Variants in REV3L observed in about 807,000 individuals in gnomAD.
REV3L encodes DNA polymerase zeta catalytic subunit.
In REV3L, 69 loss-of-function variants were observed where a neutral mutation model predicts 299.4. The ratio of observed to expected loss-of-function variants is 0.23; its 90% CI spans 0.19 to 0.28. The LOEUF (loss-of-function observed/expected upper bound fraction) is 0.28, where lower values mean the gene tolerates loss of function less well. Among genes scored for constraint, REV3L ranks in the 10% least tolerant of loss-of-function variants. The pLI is 1.00. For synonymous variants in REV3L, 1,238 were observed against 1,271.4 expected, an observed-to-expected ratio of 0.97 and a Z score of 0.56; for missense variants, 3,128 against 3,693.8, an observed-to-expected ratio of 0.85 and a Z score of 3.97.
intron 1 of REV3L, among the ~76,000 whole-genome samples, chr6:111,422,653 TATATATATAC>T (rs1417372780): frequency 0.16 from 7,679 of 47,850 alleles, 1,679 homozygotes; most frequent in Non-Finnish European, 0.28. Flanking sequence ...TATATACATA[TATATATATAC>T]ATATATATAT....
At position 111,456,985 on chromosome 6, in the gene REV3L, T is replaced by C. The variant is rs1790232723; in HGVS notation, c.139+25765A>G. 2.0e-5 allele frequency among the ~76,000 whole-genome samples: 3 copies of C among 152,148 alleles called. No homozygotes were observed. The South Asian group carries it at 6.2e-4, about 31-fold the overall frequency. The stretch of plus-strand genomic sequence containing the variant: ...TTTCTAAGTTTAAATTTGTTTTATT[T>C]ACACTAATTCAGTTTATTACCTTTT... On this transcript the variant is annotated intron_variant, in intron 1 of 31. Coordinates refer to ENST00000368802, the MANE Select transcript of REV3L (RefSeq NM_001372078.1).
intron 1 of REV3L, among the ~76,000 whole-genome samples, chr6:111,417,158 A>AT (rs1029151109): frequency 3.3e-5 from 5 of 152,176 alleles, no homozygotes; most frequent in African/African-American, 1.2e-4. Flanking sequence ...GAAAACCAAT[A>AT]TATCAGTCAA....
chr6:111,322,722 A>G, intron 25 of REV3L, 44 bp from the exon 26 acceptor site: 3 of 1,398,506 alleles, frequency 2.1e-6, no homozygotes, highest in Non-Finnish European at 3.0e-6. Flanking sequence ...AACATAGCTC[A>G]GTATAAGTTA....
At chr6:111,364,011 A>G in intron 15 of REV3L, 33 bp from the exon 16 acceptor site, 1 of 1,579,498 alleles carries the variant, frequency 6.3e-7, no homozygotes, top group East Asian at 2.3e-5. Context: ...ACACAGCCAG[A>G]AAAAGATACA....
At position 111,372,993 on chromosome 6, in the gene REV3L, G is replaced by A. The variant is rs1779955130; in HGVS notation, c.5362C>T (p.Leu1788Phe). 1.9e-6 allele frequency: 3 copies of A among 1,614,006 alleles called. No individual in the cohort carries two copies. In the South Asian group the frequency reaches 3.3e-5, roughly 18 times the overall value. The change falls in exon 13 of 32, where the codon CTT becomes TTT. Residue 1788 changes from leucine to phenylalanine, a missense_variant. Leu to Phe is a conservative substitution (Grantham distance 22). Transcript: ENST00000368802. The part of the protein sequence containing the change: ...NRSSVSKEVF[L>F]SLPQPNNSDW... ...GAATTGTTTGGCTGTGGGAGGCTAA[G>A]AAACACTTCTTTGCTTACTGAACTC...
intron 1 of REV3L, among the ~76,000 whole-genome samples, chr6:111,455,767 T>C (rs937915068): frequency 1.3e-5 from 2 of 152,332 alleles, no homozygotes; most frequent in Admixed American, 6.5e-5. Context: ...AGCCCCATAA[T>C]GTATTAAAAA....
At chr6:111,367,000 T>G (rs1017507434) in intron 14 of REV3L, 115 bp downstream of exon 14, 2 of 805,980 alleles carry the variant, frequency 2.5e-6, no homozygotes, top group Non-Finnish European at 3.6e-6. Flanking sequence ...ACGAAAAATA[T>G]TTGCTGAGCT....
chr6:111,409,124 T>C (rs745774104), intron 3 of REV3L, among the ~76,000 whole-genome samples: 8 of 152,378 alleles, frequency 5.3e-5, no homozygotes, highest in South Asian at 4.1e-4. Context: ...TTACAGAAGA[T>C]AGCTGGATTA....
Position 111,367,909 on chromosome 6 carries a change from G to A in REV3L, c.5879C>T (p.Thr1960Ile). ...RLWKTAFSAM[T>I]QNPRPGSPLR... Reference sequence around the variant, plus strand: ...GGGTGACCCTGGCCTTGGATTCTGAGTCATTGCTGAGAATGCTGTTTTCCA... The same window carrying A: ...GGGTGACCCTGGCCTTGGATTCTGAATCATTGCTGAGAATGCTGTTTTCCA... Residue 1960 changes from threonine to isoleucine, a missense_variant, in exon 14 of 32, where the codon ACT becomes ATT. Around this residue, in one of 9 missense-constraint regions of REV3L, gnomAD observed 2,409 missense variants for 2,611.8 expected, o/e 0.92. Coordinates refer to ENST00000368802, the MANE Select transcript of REV3L (RefSeq NM_001372078.1). The A allele has an allele frequency of 6.2e-7, 1 of 1,614,142 alleles. No homozygotes were observed. The highest frequency in any genetic ancestry group is 8.5e-7 in the Non-Finnish European group (1 of 1,180,010).
intron 1 of REV3L, among the ~76,000 whole-genome samples, chr6:111,469,707 G>A (rs1791951729): frequency 6.6e-6 from 1 of 152,176 alleles, no homozygotes; most frequent in Non-Finnish European, 1.5e-5. Flanking sequence ...CAAACAACCA[G>A]TACGGATTAT....
At chr6:111,354,517 A>T (rs2114961633) in intron 18 of REV3L, among the ~76,000 whole-genome samples, 1 of 152,292 alleles carries the variant, frequency 6.6e-6, no homozygotes, top group East Asian at 1.9e-4. Context: ...TTTTTCAGAT[A>T]TATTACATAT....
chr6:111,483,479 G>T (rs1292959990), upstream of REV3L: 25 of 517,898 alleles, frequency 4.8e-5, no homozygotes, highest in Non-Finnish European at 6.5e-5. Context: ...CAGCGGAAGG[G>T]GCGGCGGAGC....
At chr6:111,442,282 A>C (rs1259038268) in intron 1 of REV3L, among the ~76,000 whole-genome samples, 1 of 151,306 alleles carries the variant, frequency 6.6e-6, no homozygotes, top group Non-Finnish European at 1.5e-5. Context: ...CACTGGCTTT[A>C]TCTTTTTCTC....
chr6:111,301,527 A>G (rs998179916), intron 31 of REV3L, among the ~76,000 whole-genome samples: 2 of 152,086 alleles, frequency 1.3e-5, no homozygotes, highest in African/African-American at 4.8e-5. Context: ...AAATCAAATA[A>G]TGTGAATTTG....
chr6:111,477,934 T>G (rs978475853), intron 1 of REV3L, among the ~76,000 whole-genome samples: 2 of 152,132 alleles, frequency 1.3e-5, no homozygotes, highest in Non-Finnish European at 2.9e-5. Context: ...TGAAAAGAAG[T>G]AGACGGATTC....
chr6:111,403,975 T>C (rs1049127512), intron 4 of REV3L, among the ~76,000 whole-genome samples: 1 of 152,228 alleles, frequency 6.6e-6, no homozygotes, highest in Non-Finnish European at 1.5e-5. Flanking sequence ...GGGGCTGATG[T>C]AGAAGCTGCA....
chr6:111,372,797 T>C lies in REV3L; in HGVS notation c.5558A>G (p.Asp1853Gly), dbSNP rs1478012159. 3.7e-6 allele frequency: 6 copies of C among 1,613,178 alleles called. No homozygotes were observed. The highest frequency in any genetic ancestry group is 1.3e-5 in the African/African-American group (1 of 74,918). ...AGAGCTAGTAGATCTTGGTGAACTA[T>C]CAGGAGTTGGTGTCAACATATCATT... Reference protein sequence around the residue: ...RNNDMLTPTPDSSPRSTSSPS... With the variant: ...RNNDMLTPTPGSSPRSTSSPS... The change falls in exon 13 of 32, where the codon GAT (aspartate) becomes GGT (glycine). Residue 1853 changes from aspartate to glycine, a missense_variant. Around this residue, in one of 9 missense-constraint regions of REV3L, gnomAD observed 2,409 missense variants for 2,611.8 expected, o/e 0.92. Coordinates refer to ENST00000368802, the MANE Select transcript of REV3L (RefSeq NM_001372078.1).
chr6:111,352,382 T>C (rs961665952), intron 18 of REV3L, among the ~76,000 whole-genome samples: 3 of 151,942 alleles, frequency 2.0e-5, no homozygotes, highest in Non-Finnish European at 2.9e-5. Context: ...GAAATTGGGG[T>C]GGAAGGCAGG....
chr6:111,365,421 C>A, intron 14 of REV3L, 77 bp from the exon 15 acceptor site: 1 of 741,284 alleles, frequency 1.3e-6, no homozygotes, highest in East Asian at 3.0e-5. Context: ...TTTTGTTGTT[C>A]CAAACACTTA....
Sources: gnomAD v4.1 joint callset for allele counts (sites outside exome capture counted in the v4.1 genomes callset) on GRCh38, gnomAD v4.1.1 for gene constraint, gnomAD v4.1.1 regional missense constraint, MANE v1.5 for transcripts, NCBI Gene and HGNC (gene_info 2026-07-23, HGNC 2026-07-21) for gene names.